LYPLA1: variants seen among roughly 807,000 people sequenced by gnomAD.
LYPLA1 encodes lysophospholipase 1, also known as acyl-protein thioesterase 1.
In LYPLA1, 17 loss-of-function variants were observed where a neutral mutation model predicts 34.0. The observed-to-expected ratio is 0.50, with a 90% confidence interval of 0.34 to 0.75. The LOEUF (loss-of-function observed/expected upper bound fraction) is 0.75, where lower values mean the gene tolerates loss of function less well. LYPLA1 is among the 30% of genes least tolerant of loss of function. LYPLA1 has a pLI of 0.01. For synonymous variants in LYPLA1, 98 were observed against 100.8 expected (o/e 0.97, Z 0.17); for missense variants, 203 against 288.8 (o/e 0.70, Z 2.15).
At chr8:54,064,178 G>A (rs1806872893) in intron 3 of LYPLA1, among the ~76,000 whole-genome samples, 1 of 152,190 alleles carries the variant, frequency 6.6e-6, no homozygotes, top group Admixed American at 6.5e-5. Flanking sequence ...ACTTTGGGAG[G>A]CCGAGGCGGG....
rs537262668 is a variant in LYPLA1 at position 54,058,027 on chromosome 8, CTCA to C, written c.287-2897_287-2895del. ...TATTTTGTTAACAACAGTTCTTTCTCTCATCAAGAGATGGATTTTTAAAAAATT... is the reference window on the plus strand; with the variant it reads ...TATTTTGTTAACAACAGTTCTTTCTCTCAAGAGATGGATTTTTAAAAAATT... On this transcript the variant is annotated intron_variant, in intron 5 of 8. Coordinates refer to ENST00000316963, the MANE Select transcript of LYPLA1 (RefSeq NM_006330.4). Among the ~76,000 whole-genome samples, 492 of 152,286 alleles carry C rather than the reference CTCA, an allele frequency of 3.2e-3. 2 individuals are homozygous for C. The highest frequency in any genetic ancestry group is 0.011 in the African/African-American group (470 of 41,556).
intron 2 of LYPLA1, among the ~76,000 whole-genome samples, chr8:54,076,916 C>T (rs919057381): frequency 6.6e-6 from 1 of 152,128 alleles, no homozygotes; most frequent in African/African-American, 2.4e-5. Context: ...TGTGAGACCC[C>T]TGATTTCCCA....
chr8:54,050,675 AGG>A (rs1284289800), intron 8 of LYPLA1, among the ~76,000 whole-genome samples: 1 of 152,156 alleles, frequency 6.6e-6, no homozygotes, highest in African/African-American at 2.4e-5. Context: ...TTATTTTCCA[AGG>A]GCACTTTTTA....
chr8:54,079,848 T>C (rs1808183610), intron 2 of LYPLA1, among the ~76,000 whole-genome samples: 1 of 152,098 alleles, frequency 6.6e-6, no homozygotes, highest in African/African-American at 2.4e-5. Flanking sequence ...GTCTGTTATC[T>C]CTGCAAAAGA....
At chr8:54,050,701 A>C (rs2129322660) in intron 8 of LYPLA1, among the ~76,000 whole-genome samples, 1 of 152,308 alleles carries the variant, frequency 6.6e-6, no homozygotes, top group East Asian at 1.9e-4. Flanking sequence ...CTTCTAATAC[A>C]ATGTATATCA....
chr8:54,056,866 T>C (rs1035023001), intron 5 of LYPLA1, among the ~76,000 whole-genome samples: 17 of 151,974 alleles, frequency 1.1e-4, no homozygotes, highest in Admixed American at 6.6e-4. Context: ...TGAGCCAAGA[T>C]TGCACCACTG....
chr8:54,094,685 G>A (rs569377539), intron 2 of LYPLA1, among the ~76,000 whole-genome samples: 3 of 152,108 alleles, frequency 2.0e-5, no homozygotes, highest in Non-Finnish European at 2.9e-5. Context: ...AAAGGAACCA[G>A]GGTTCTTGGA....
intron 2 of LYPLA1, among the ~76,000 whole-genome samples, chr8:54,080,662 A>T (rs1808246823): frequency 6.6e-6 from 1 of 152,146 alleles, no homozygotes; most frequent in Non-Finnish European, 1.5e-5. Flanking sequence ...ATCTCGGTTC[A>T]CTGCAACCTC....
At chr8:54,073,315 CG>C (rs1807636682) in intron 2 of LYPLA1, 1 of 866,110 alleles carries the variant, frequency 1.2e-6, no homozygotes, top group Non-Finnish European at 2.0e-6. Flanking sequence ...CTTCTATGGA[CG>C]GAACTGTGAG....
intron 2 of LYPLA1, 54 bp from the exon 3 acceptor site, chr8:54,065,867 A>C (rs1807025663): frequency 8.0e-6 from 9 of 1,121,382 alleles, no homozygotes; most frequent in Non-Finnish European, 1.2e-5. Flanking sequence ...AATCCCAGTA[A>C]GTAAGTAGCA....
chr8:54,084,133 A>AAAAAAAAAAATATATAT (rs1373090573), intron 2 of LYPLA1, among the ~76,000 whole-genome samples: 1 of 120,484 alleles, frequency 8.3e-6, no homozygotes, highest in African/African-American at 4.6e-5. Flanking sequence ...AGAAAAAAAA[A>AAAAAAAAAAATATATAT]ATAAATAAAT....
intron 8 of LYPLA1, among the ~76,000 whole-genome samples, 174 bp downstream of exon 8, chr8:54,050,838 C>T (rs1352733788): frequency 2.6e-5 from 4 of 152,124 alleles, no homozygotes; most frequent in Non-Finnish European, 5.9e-5. Context: ...AATAGCCAAT[C>T]AGTAAATATT....
At chr8:54,083,224 G>A (rs1808443291) in intron 2 of LYPLA1, among the ~76,000 whole-genome samples, 3 of 152,136 alleles carry the variant, frequency 2.0e-5, no homozygotes, top group African/African-American at 7.2e-5. Context: ...AAGACCACAT[G>A]GTGAAGAAAT....
intron 2 of LYPLA1, among the ~76,000 whole-genome samples, chr8:54,085,124 C>A (rs1409233487): frequency 6.6e-6 from 1 of 152,250 alleles, no homozygotes; most frequent in African/African-American, 2.4e-5. Context: ...CCTCAGCCTG[C>A]CGAAGGCGCG....
chr8:54,094,296 C>T (rs940218608), intron 2 of LYPLA1, among the ~76,000 whole-genome samples: 2 of 152,148 alleles, frequency 1.3e-5, no homozygotes, highest in East Asian at 1.9e-4. Flanking sequence ...TCCTCCTCCT[C>T]GTTTCCCCTT....
intron 7 of LYPLA1, among the ~76,000 whole-genome samples, chr8:54,051,854 T>C (rs1188599031): frequency 6.6e-6 from 1 of 151,630 alleles, no homozygotes; most frequent in African/African-American, 2.4e-5. Flanking sequence ...TATCTTTTTT[T>C]TTTTTTTTCC....
intron 2 of LYPLA1, among the ~76,000 whole-genome samples, chr8:54,084,647 G>A (rs1193993151): frequency 1.3e-5 from 2 of 151,924 alleles, no homozygotes; most frequent in East Asian, 3.9e-4. Context: ...CAAACCTTTA[G>A]CTAGATCAAC....
At chr8:54,083,538 C>T (rs937678182) in intron 2 of LYPLA1, among the ~76,000 whole-genome samples, 1 of 151,980 alleles carries the variant, frequency 6.6e-6, no homozygotes, top group Admixed American at 6.6e-5. Context: ...TGCAAAGGAC[C>T]AAAAGAGTCA....
intron 3 of LYPLA1, 84 bp from the exon 4 acceptor site, chr8:54,063,459 CTT>C: frequency 3.7e-6 from 3 of 807,066 alleles, no homozygotes; most frequent in South Asian, 1.7e-5. Context: ...CAGATAATTG[CTT>C]GAGACCTACA....
Sources: gnomAD v4.1 joint callset for allele counts (sites outside exome capture counted in the v4.1 genomes callset) on GRCh38, gnomAD v4.1.1 for gene constraint, MANE v1.5 for transcripts, NCBI Gene and HGNC (gene_info 2026-07-23, HGNC 2026-07-21) for gene names.